The following PXDC1 variants were observed in gnomAD, a reference collection of about 807,000 sequenced individuals.
PXDC1 encodes the protein PX domain-containing protein 1.
PXDC1 carries 13 observed loss-of-function variants against 24.4 expected under a neutral mutation model. The observed-to-expected ratio is 0.53, with a 90% CI of 0.35 to 0.85. PXDC1 has a LOEUF of 0.85. Among genes scored for constraint, PXDC1 ranks in the 40% least tolerant of loss-of-function variants. The pLI, the probability that PXDC1 is intolerant of heterozygous loss-of-function variation, is 0.01. For synonymous variants in PXDC1, 162 were observed against 124.9 expected, an observed-to-expected ratio of 1.30 and a Z score of -1.98; for missense variants, 344 against 309.3, an observed-to-expected ratio of 1.11 and a Z score of -0.84.
In PXDC1 at chr6:3,751,703, C is replaced by CGGCGT. The variant is rs1760730695; in HGVS notation, c.-173_-172insACGCC. ...CCGCGTTCGGGGCAGCGGGGCGGCG[C>CGGCGT]GGCGGCGAGTGGCTCGGGCCGGCCG... On this transcript the variant is annotated 5_prime_UTR_variant, in exon 1 of 5. Transcript: ENST00000380283. 3.9e-6 allele frequency: 4 copies of CGGCGT among 1,029,618 alleles called. No individual in the cohort carries two copies. Among genetic ancestry groups the CGGCGT allele is most frequent in the Non-Finnish European group, 4.9e-6 (4 of 816,468 alleles). The allele number at this position is 1,029,618 out of a possible 1,614,324, so 63.8% of individuals were successfully genotyped here.
At position 3,751,377 on chromosome 6, in the gene PXDC1, T is replaced by G. The variant is rs1294218214; in HGVS notation, c.155A>C (p.Tyr52Ser). 6.4e-7 allele frequency: 1 copy of G among 1,564,530 alleles called. No homozygotes were observed. The highest frequency in any genetic ancestry group is 8.6e-7 in the Non-Finnish European group (1 of 1,156,380). ...CAGGTCCGCCAGGCTGCGGTGCAGG[T>G]AGAGCACGCTGCGGTCCGACCACTC... ...RTEWSDRSVL[Y>S]LHRSLADLGR... Residue 52 changes from tyrosine to serine, a missense_variant, in exon 1 of 5, where the codon TAC becomes TCC. Tyr to Ser is a moderately radical substitution (Grantham distance 144). Coordinates refer to ENST00000380283, the MANE Select transcript of PXDC1 (RefSeq NM_183373.4).
intron 1 of PXDC1, among the ~76,000 whole-genome samples, chr6:3,741,643 C>G (rs947698354): frequency 4.6e-5 from 7 of 152,166 alleles, no homozygotes; most frequent in African/African-American, 1.7e-4. Context: ...TTACTGAAAC[C>G]CACCTGACTG....
At chr6:3,734,371 G>A (rs1469069895) in intron 3 of PXDC1, among the ~76,000 whole-genome samples, 1 of 152,184 alleles carries the variant, frequency 6.6e-6, no homozygotes, top group African/African-American at 2.4e-5. Flanking sequence ...AGAGGACTCT[G>A]CTGCTCCTTG....
chr6:3,740,308 T>C (rs866170836), intron 1 of PXDC1, among the ~76,000 whole-genome samples: 16 of 152,234 alleles, frequency 1.1e-4, no homozygotes, highest in Admixed American at 4.6e-4. Context: ...GAGATAAATA[T>C]ATTCTGCGGT....
At chr6:3,746,889 A>G (rs554904422) in intron 1 of PXDC1, among the ~76,000 whole-genome samples, 2 of 152,064 alleles carry the variant, frequency 1.3e-5, no homozygotes, top group African/African-American at 4.8e-5. Flanking sequence ...GGGTTGTGGG[A>G]GTCTGGTAGT....
Position 3,751,526 on chromosome 6 carries a change from G to A in PXDC1, c.6C>T (p.Ala2=). 1 of 1,580,970 alleles carries A rather than the reference G, an allele frequency of 6.3e-7. No homozygotes were observed. Among genetic ancestry groups the A allele is most frequent in the South Asian group, 1.1e-5 (1 of 87,076 alleles). ...GCGACGTGCCCTCAAACACCGCCGA[G>A]GCCATGTCGCACGCATGCCCCCGCC... M[A]SAVFEGTSLV... is the part of the protein sequence containing the mutation. Residue 2 remains alanine (A), a synonymous_variant, in exon 1 of 5, where the codon GCC becomes GCT. Coordinates refer to ENST00000380283, the MANE Select transcript of PXDC1 (RefSeq NM_183373.4).
At position 3,751,688 on chromosome 6, in the gene PXDC1, G is replaced by T; in HGVS notation, c.-157C>A. On this transcript the variant is annotated 5_prime_UTR_variant, in exon 1 of 5. Coordinates refer to ENST00000380283, the MANE Select transcript of PXDC1 (RefSeq NM_183373.4). ...GAGGCTGCGTATGGCCCGCGTTCGGGGCAGCGGGGCGGCGCGGCGGCGAGT... is the reference window on the plus strand; with the variant it reads ...GAGGCTGCGTATGGCCCGCGTTCGGTGCAGCGGGGCGGCGCGGCGGCGAGT... The T allele has an allele frequency of 1.8e-6, 2 of 1,132,562 alleles. No individual in the cohort carries two copies. The highest frequency in any genetic ancestry group is 4.2e-5 in the South Asian group (1 of 24,018). The allele number at this position is 1,132,562 out of a possible 1,614,324, so 70.2% of individuals were successfully genotyped here.
chr6:3,738,161 C>T lies in PXDC1; in HGVS notation c.257-13G>A, dbSNP rs1255972111. On this transcript the variant is annotated splice_polypyrimidine_tract_variant and intron_variant, in intron 1 of 4. Transcript: ENST00000380283. ...ATGGCAACCAGTCCTAGAATTGAGA[C>T]AGAAATGCTCAAAGTCAGAATAGCA... 1.9e-6 allele frequency: 3 copies of T among 1,603,058 alleles called. No individual in the cohort carries two copies. Among genetic ancestry groups the T allele is most frequent in the African/African-American group, 2.7e-5 (2 of 74,682 alleles).
At chr6:3,747,443 A>G (rs1183063453) in intron 1 of PXDC1, among the ~76,000 whole-genome samples, 1 of 151,968 alleles carries the variant, frequency 6.6e-6, no homozygotes, top group South Asian at 2.1e-4. Context: ...TAAAAGCCCA[A>G]ATGTGACCAC....
chr6:3,729,961 A>C lies in PXDC1; in HGVS notation c.467-2299T>G, dbSNP rs139348780. Among the ~76,000 whole-genome samples the C allele has an allele frequency of 4.1e-4, 63 of 152,326 alleles. 1 individual carries two copies. In the East Asian group the frequency reaches 0.012, roughly 29 times the overall value. On this transcript the variant is annotated intron_variant, in intron 3 of 4. Transcript: ENST00000380283. ...TAAATGTGAAATTTGGAGCTCTATA[A>C]AACGGAGTCATTACCAGTCCCCCAA...
At chr6:3,750,764 G>A in intron 1 of PXDC1, among the ~76,000 whole-genome samples, 1 of 152,144 alleles carries the variant, frequency 6.6e-6, no homozygotes, top group Non-Finnish European at 1.5e-5. Context: ...AGGGCTGCGT[G>A]GCACCTCGCG....
At chr6:3,734,034 C>T (rs935930177) in intron 3 of PXDC1, among the ~76,000 whole-genome samples, 2 of 152,224 alleles carry the variant, frequency 1.3e-5, no homozygotes, top group African/African-American at 4.8e-5. Context: ...GACCTGGACA[C>T]TGCACCCCCA....
Position 3,724,135 on chromosome 6 carries a change from G to A in PXDC1, c.579-399C>T, listed in dbSNP as rs547519033. Among the ~76,000 whole-genome samples, 8 of 152,254 alleles carry A rather than the reference G, an allele frequency of 5.3e-5. No homozygotes were observed. The highest frequency in any genetic ancestry group is 4.1e-4 in the South Asian group (2 of 4,830). ...GGACAGCTGAGAGAGGAGTGGTCAC[G>A]AGCTCACAGCCTGACCGCAGCAGAG... On this transcript the variant is annotated intron_variant, in intron 4 of 4. Transcript: ENST00000380283. The surrounding 1 kb of genome is among the most constrained non-coding windows in gnomAD (Gnocchi z 4.5).
In PXDC1 at chr6:3,723,626, C is replaced by G. The variant is rs1189691329; in HGVS notation, c.689G>C (p.Trp230Ser). 1.7e-5 allele frequency: 27 copies of G among 1,613,424 alleles called. No homozygotes were observed. The highest frequency in any genetic ancestry group is 2.3e-5 in the Non-Finnish European group (27 of 1,179,390). Residue 230 changes from tryptophan (W) to serine (S), a missense_variant, in exon 5 of 5, where the codon TGG becomes TCG. Coordinates refer to ENST00000380283, the MANE Select transcript of PXDC1 (RefSeq NM_183373.4). ...GAGGCCTGATAGAGAGGTTCAGTCC[C>G]AAATGTCTGTCTCGAAGGGGACCAG... ...YHLVPFETDI[W>S]D
chr6:3,739,574 G>A (rs1037537557), intron 1 of PXDC1, among the ~76,000 whole-genome samples: 1 of 152,234 alleles, frequency 6.6e-6, no homozygotes, highest in African/African-American at 2.4e-5. Context: ...CTCTGTCCAC[G>A]TGGCCTGTGC....
chr6:3,731,768 G>A (rs1405141113), intron 3 of PXDC1, among the ~76,000 whole-genome samples: 2 of 152,218 alleles, frequency 1.3e-5, no homozygotes, highest in African/African-American at 4.8e-5. Flanking sequence ...AGAGGACTGA[G>A]CTATTTTAGC....
intron 4 of PXDC1, among the ~76,000 whole-genome samples, chr6:3,727,267 A>T (rs546213831): frequency 1.3e-5 from 2 of 152,274 alleles, no homozygotes; most frequent in African/African-American, 4.8e-5. Flanking sequence ...GGCCCTGGAG[A>T]CAGCATCACA....
At position 3,724,742 on chromosome 6, in the gene PXDC1, C is replaced by T. The variant is rs1561729392; in HGVS notation, c.579-1006G>A. On this transcript the variant is annotated intron_variant, in intron 4 of 4. Transcript: ENST00000380283. The surrounding 1 kb of genome is among the most constrained non-coding windows in gnomAD (Gnocchi z 4.5). ...ACTCAGCCATCTCTGGAAAGCTTTG[C>T]CATGACCAAGATGACTGCACAGTCC... Among the ~76,000 whole-genome samples, 1 of 152,236 alleles carries T rather than the reference C, an allele frequency of 6.6e-6. No individual in the cohort carries two copies. The highest frequency in any genetic ancestry group is 1.9e-4 in the East Asian group (1 of 5,184).
chr6:3,726,621 G>A (rs530841478), intron 4 of PXDC1, among the ~76,000 whole-genome samples: 10 of 152,374 alleles, frequency 6.6e-5, no homozygotes, highest in African/African-American at 1.2e-4. Flanking sequence ...CCAGGTTCAC[G>A]CTGGGGTCAC....
Sources: gnomAD v4.1 joint callset for allele counts (sites outside exome capture counted in the v4.1 genomes callset) on GRCh38, gnomAD v4.1.1 for gene constraint, Gnocchi (gnomAD v3.1) non-coding constraint, MANE v1.5 for transcripts, NCBI Gene and HGNC (gene_info 2026-07-23, HGNC 2026-07-21) for gene names.